HEBP1: variants seen among roughly 807,000 people sequenced by gnomAD.
HEBP1 encodes the protein heme binding protein 1.
HEBP1 carries 13 observed loss-of-function variants against 20.4 expected under a neutral mutation model. The ratio of observed to expected loss-of-function variants is 0.64; its 90% CI spans 0.42 to 1.01. The LOEUF (loss-of-function observed/expected upper bound fraction) is 1.01, where lower values mean the gene tolerates loss of function less well. Ranked by LOEUF, HEBP1 falls within the 50% of genes least tolerant of loss-of-function variation. HEBP1 has a pLI of 0.00. For missense variants in HEBP1, 241 were observed against 247.3 expected (o/e 0.97, Z 0.17); for synonymous variants, 92 against 90.7 (o/e 1.01, Z -0.08).
rs1864295928 is a variant in HEBP1, at chr12:12,996,799, C to A, written c.78+3238G>T. Among the ~76,000 whole-genome samples the A allele has an allele frequency of 1.3e-5, 2 of 152,124 alleles. No individual in the cohort carries two copies. Among genetic ancestry groups the A allele is most frequent in the South Asian group, 4.1e-4 (2 of 4,822 alleles). On this transcript the variant is annotated intron_variant, in intron 1 of 3. Coordinates refer to ENST00000014930, the MANE Select transcript of HEBP1 (RefSeq NM_015987.5). This position sits in a 1 kb window ranked among gnomAD's most constrained non-coding sequence, Gnocchi z 4.1. ...TACTGTAAAACTACAGTAAAGCTAA[C>A]CATTACCATCTCCAACCAAGTACTA...
chr12:12,983,510 T>C (rs1326911155), intron 3 of HEBP1: 5 of 340,348 alleles, frequency 1.5e-5, no homozygotes, highest in Admixed American at 4.0e-5. Flanking sequence ...CATTATTTGA[T>C]AGAGTACTTT....
intron 1 of HEBP1, among the ~76,000 whole-genome samples, chr12:12,993,038 G>C (rs1352534972): frequency 6.6e-6 from 1 of 152,052 alleles, no homozygotes; most frequent in African/African-American, 2.4e-5. Context: ...AAAGCTATGG[G>C]GGGTGAAGTG....
At position 12,997,071 on chromosome 12, in the gene HEBP1, A is replaced by G. The variant is rs1864299413; in HGVS notation, c.78+2966T>C. On this transcript the variant is annotated intron_variant, in intron 1 of 3. Coordinates refer to ENST00000014930, the MANE Select transcript of HEBP1 (RefSeq NM_015987.5). ...ATTTAATACTTATAGTAACTCTGGA[A>G]ATAGATGGAAAAGATATTTTTATAC... 2.0e-5 allele frequency among the ~76,000 whole-genome samples: 3 copies of G among 152,216 alleles called. 1 individual carries two copies. In the South Asian group the frequency reaches 6.2e-4, roughly 32 times the overall value.
chr12:12,986,906 T>C lies in HEBP1; in HGVS notation c.398+246A>G, dbSNP rs185470919. On this transcript the variant is annotated intron_variant, in intron 3 of 3. Coordinates refer to ENST00000014930, the MANE Select transcript of HEBP1 (RefSeq NM_015987.5). This position sits in a 1 kb window ranked among gnomAD's most constrained non-coding sequence, Gnocchi z 4.3. Reference sequence around the variant, plus strand: ...CTAATGTAGACATTCACTGTAAGCTTAAGCAAAGCTTAAGCTCGTCCCATC... The same window carrying C: ...CTAATGTAGACATTCACTGTAAGCTCAAGCAAAGCTTAAGCTCGTCCCATC... The C allele has an allele frequency of 3.3e-4, 153 of 459,868 alleles. No homozygotes were observed. The highest frequency in any genetic ancestry group is 2.8e-3 in the African/African-American group (141 of 50,514). 28.5% of individuals were successfully genotyped at this position (459,868 alleles called of 1,614,324 possible).
At chr12:12,999,985 T>G (rs868719387) in intron 1 of HEBP1, 52 bp downstream of exon 1, 35 of 1,272,808 alleles carry the variant, frequency 2.7e-5, no homozygotes, top group East Asian at 2.7e-4. Context: ...CCGACGAGGG[T>G]GGGGGTGGGA....
chr12:12,987,986 C>CTA (rs1864175144), intron 2 of HEBP1, among the ~76,000 whole-genome samples: 1 of 152,038 alleles, frequency 6.6e-6, no homozygotes, highest in Non-Finnish European at 1.5e-5. Flanking sequence ...ATGGAAAAGG[C>CTA]TATAGGTAGT....
chr12:12,987,284 T>C lies in HEBP1; in HGVS notation c.266A>G (p.Asn89Ser), dbSNP rs771447886. The C allele has an allele frequency of 4.3e-6, 7 of 1,613,952 alleles. No homozygotes were observed. Among genetic ancestry groups the C allele is most frequent in the East Asian group, 2.2e-5 (1 of 44,882 alleles). ...TTTCTTCTGCAGAGAGCCATCTTCATTGGGGAACACAGCAAAGGAAATAGG... is the reference window on the plus strand; with the variant it reads ...TTTCTTCTGCAGAGAGCCATCTTCACTGGGGAACACAGCAAAGGAAATAGG... Reference protein sequence around the residue: ...TVPISFAVFPNEDGSLQKKLK... With the variant: ...TVPISFAVFPSEDGSLQKKLK... The change falls in exon 3 of 4, where the codon AAT becomes AGT. Residue 89 changes from asparagine to serine, a missense_variant. Physicochemically the swap from Asn to Ser is conservative, Grantham distance 46. Coordinates refer to ENST00000014930, the MANE Select transcript of HEBP1 (RefSeq NM_015987.5).
chr12:12,990,350 T>A (rs1477254468), intron 1 of HEBP1, among the ~76,000 whole-genome samples: 5 of 14,032 alleles, frequency 3.6e-4, no homozygotes, highest in East Asian at 0.042. Context: ...AAAAAAAAAT[T>A]TTTTTTTTTT....
intron 3 of HEBP1, chr12:12,979,136 G>A (rs1263447296): frequency 6.6e-6 from 1 of 152,188 alleles, no homozygotes; most frequent in African/African-American, 2.4e-5. Context: ...GGTGAAGAAA[G>A]AGGACCGGTC....
At chr12:12,993,449 C>T (rs973695159) in intron 1 of HEBP1, among the ~76,000 whole-genome samples, 1 of 150,846 alleles carries the variant, frequency 6.6e-6, no homozygotes, top group East Asian at 2.0e-4. Flanking sequence ...CCTATGTCAG[C>T]CTTCCAAAGT....
chr12:12,999,864 C>T (rs1160109049), intron 1 of HEBP1, among the ~76,000 whole-genome samples, 173 bp downstream of exon 1: 1 of 152,220 alleles, frequency 6.6e-6, no homozygotes, highest in Non-Finnish European at 1.5e-5. Context: ...TCACTCCTTT[C>T]CTTCCCAGTC....
chr12:12,980,208 A>G (rs1401086870), intron 3 of HEBP1: 2 of 152,352 alleles, frequency 1.3e-5, no homozygotes, highest in African/African-American at 2.4e-5. Context: ...GTTTCATTCA[A>G]CCAGGCTGGA....
intron 3 of HEBP1, chr12:12,977,669 A>C (rs192217702): frequency 2.0e-5 from 3 of 152,346 alleles, no homozygotes; most frequent in East Asian, 3.9e-4. Flanking sequence ...TTTCTCAATT[A>C]GGCCTATTCT....
intron 1 of HEBP1, among the ~76,000 whole-genome samples, chr12:12,990,143 CACACACAA>C (rs1339278940): frequency 4.2e-5 from 6 of 142,288 alleles, no homozygotes; most frequent in South Asian, 2.2e-4. Flanking sequence ...CACACACACA[CACACACAA>C]ACACACACAC....
At position 12,987,614 on chromosome 12, in the gene HEBP1, C is replaced by CTCTCTCTT. The variant is rs200544850; in HGVS notation, c.218-283_218-282insAAGAGAGA. Among the ~76,000 whole-genome samples the CTCTCTCTT allele has an allele frequency of 1.1e-4, 9 of 84,884 alleles. No individual in the cohort carries two copies. In the East Asian group the frequency reaches 2.2e-3, roughly 21 times the overall value. The allele number at this position is 84,884 out of a possible 152,430, so 55.7% of individuals were successfully genotyped here. Reference sequence around the variant, plus strand: ...TTTCTCTCTCTCTCTCTCTCTCTTTCTCTCTCTCTCTCTCTCTCTCTTTCT... The same window carrying CTCTCTCTT: ...TTTCTCTCTCTCTCTCTCTCTCTTTCTCTCTCTTTCTCTCTCTCTCTCTCTCTCTTTCT... On this transcript the variant is annotated intron_variant, in intron 2 of 3. Coordinates refer to ENST00000014930, the MANE Select transcript of HEBP1 (RefSeq NM_015987.5).
chr12:12,988,555 C>A (rs1864180148), intron 2 of HEBP1, among the ~76,000 whole-genome samples: 1 of 152,148 alleles, frequency 6.6e-6, no homozygotes, highest in African/African-American at 2.4e-5. Context: ...TGAGAAATAT[C>A]CTAAAAATTA....
intron 3 of HEBP1, among the ~76,000 whole-genome samples, chr12:12,985,049 G>C (rs926943910): frequency 6.6e-6 from 1 of 151,884 alleles, no homozygotes; most frequent in Middle Eastern, 3.4e-3. Context: ...TTGGGAGGCT[G>C]AGGCAGGAGA....
intron 3 of HEBP1, chr12:12,979,589 C>G (rs2136538250): frequency 6.6e-6 from 1 of 152,278 alleles, no homozygotes; most frequent in Non-Finnish European, 1.5e-5. Flanking sequence ...AACAGTGGGC[C>G]CACTGCTCTC....
chr12:12,991,178 A>G (rs1375807831), intron 1 of HEBP1, among the ~76,000 whole-genome samples: 1 of 152,218 alleles, frequency 6.6e-6, no homozygotes, highest in East Asian at 1.9e-4. Flanking sequence ...GGCAGCAGGC[A>G]AGGTGAACCC....
Sources: allele counts gnomAD v4.1 joint callset (sites outside exome capture counted in the v4.1 genomes callset), GRCh38; gene constraint gnomAD v4.1.1; non-coding constraint Gnocchi (gnomAD v3.1); transcripts MANE v1.5; gene names NCBI Gene and HGNC (gene_info 2026-07-23, HGNC 2026-07-21).